ART1: variants seen among roughly 807,000 people sequenced by gnomAD.
ART1 encodes the protein GPI-linked NAD(P)(+)--arginine ADP-ribosyltransferase 1.
In ART1, 29 loss-of-function variants were observed where a neutral mutation model predicts 27.0. The ratio of observed to expected loss-of-function variants is 1.08; its 90% CI spans 0.80 to 1.47. ART1 has a LOEUF of 1.47. Ranked by LOEUF, ART1 falls within the 40% of genes most tolerant of loss-of-function variation. The probability of loss-of-function intolerance (pLI) is 0.00; values close to 1 mark genes in which losing one functional copy is unlikely to be tolerated. For synonymous variants in ART1, 201 were observed against 172.2 expected, an observed-to-expected ratio of 1.17 and a Z score of -1.31; for missense variants, 480 against 423.0, an observed-to-expected ratio of 1.13 and a Z score of -1.18.
At chr11:3,657,911 A>T (rs2077586763) in intron 1 of ART1, among the ~76,000 whole-genome samples, 1 of 152,202 alleles carries the variant, frequency 6.6e-6, no homozygotes, top group Non-Finnish European at 1.5e-5. Context: ...CATGAGATAA[A>T]CCAAGCTGCC....
At chr11:3,653,498 A>G (rs898266596) in intron 1 of ART1, among the ~76,000 whole-genome samples, 1 of 150,438 alleles carries the variant, frequency 6.6e-6, no homozygotes, top group Non-Finnish European at 1.5e-5. Flanking sequence ...TTATCTACCC[A>G]AATCCTATAA....
At chr11:3,650,926 G>A (rs201132942) in intron 1 of ART1, among the ~76,000 whole-genome samples, 69,974 of 136,782 alleles carry the variant, frequency 0.51, 17,824 homozygotes, top group Admixed American at 0.69. Context: ...CTCAATGCCA[G>A]TATCCCATCC....
chr11:3,660,612 G>A (rs577226950), intron 3 of ART1, among the ~76,000 whole-genome samples: 4 of 152,306 alleles, frequency 2.6e-5, no homozygotes, highest in African/African-American at 7.2e-5. Context: ...AGGTTTCCTG[G>A]CCAACGCAGC....
chr11:3,656,386 A>ATTTATTTT (rs1457443890), intron 1 of ART1, among the ~76,000 whole-genome samples: 49 of 141,532 alleles, frequency 3.5e-4, no homozygotes, highest in African/African-American at 1.1e-3. Flanking sequence ...TTATTTATTT[A>ATTTATTTT]TTTTTTAAAT....
chr11:3,646,571 G>A (rs2077471053), intron 1 of ART1, among the ~76,000 whole-genome samples: 2 of 152,178 alleles, frequency 1.3e-5, no homozygotes, highest in African/African-American at 4.8e-5. Flanking sequence ...AGGACCAGAT[G>A]CAAAGAGCCT....
intron 1 of ART1, among the ~76,000 whole-genome samples, chr11:3,657,313 G>A (rs1016638262): frequency 2.6e-5 from 4 of 152,138 alleles, no homozygotes; most frequent in South Asian, 2.1e-4. Context: ...TGTGGCTCAC[G>A]CCTGTAATCC....
At position 3,664,373 on chromosome 11, in the gene ART1, C is replaced by A. The variant is rs942157449; in HGVS notation, c.*184C>A. ...AGACAATCTGGGGACTGAACCTTACCCAGGGCTGTAGGAGTGAGACTCTGA... is the reference window on the plus strand; with the variant it reads ...AGACAATCTGGGGACTGAACCTTACACAGGGCTGTAGGAGTGAGACTCTGA... On this transcript the variant is annotated 3_prime_UTR_variant, in exon 5 of 5. Transcript: ENST00000250693. 28 of 603,352 alleles carry A rather than the reference C, an allele frequency of 4.6e-5. No homozygotes were observed. The highest frequency in any genetic ancestry group is 4.1e-4 in the South Asian group (21 of 51,458). The allele number at this position is 603,352 out of a possible 1,614,324, so 37.4% of individuals were successfully genotyped here. A position where few individuals can be genotyped will look rare whatever the true frequency, so the allele number is the denominator to read the frequency against.
rs575125137 is a variant in ART1 at position 3,649,865 on chromosome 11, G to A, written c.-53+4686G>A. Among the ~76,000 whole-genome samples, 15 of 152,136 alleles carry A rather than the reference G, an allele frequency of 9.9e-5. No homozygotes were observed. The South Asian group carries it at 1.9e-3, about 19-fold the overall frequency. ...ACCCCGCCCAGTTCATGGCTCGTTC[G>A]GCAGCAACCCTGAGACGCTTTACAG... On this transcript the variant is annotated intron_variant, in intron 1 of 4. Transcript: ENST00000250693.
In ART1 at chr11:3,664,202, G is replaced by T; in HGVS notation, c.*13G>T. On this transcript the variant is annotated 3_prime_UTR_variant, in exon 5 of 5. Transcript: ENST00000250693. ...AGGCCTCCTTTGATGCATGAGACAC[G>T]GGACAGCCTCGCCTGCTGCCTCTGC... 6.2e-7 allele frequency: 1 copy of T among 1,612,228 alleles called. No individual in the cohort carries two copies. Among genetic ancestry groups the T allele is most frequent in the Non-Finnish European group, 8.5e-7 (1 of 1,179,056 alleles).
intron 1 of ART1, among the ~76,000 whole-genome samples, chr11:3,657,117 G>T (rs2077581449): frequency 6.6e-6 from 1 of 152,212 alleles, no homozygotes; most frequent in South Asian, 2.1e-4. Context: ...TGATAAAGCA[G>T]CGACGCTTAA....
chr11:3,645,231 G>A (rs577866396), intron 1 of ART1, 52 bp downstream of exon 1: 6 of 152,312 alleles, frequency 3.9e-5, no homozygotes, highest in African/African-American at 1.4e-4. Flanking sequence ...AAGTGGTTTT[G>A]AGGTGAAATT....
intron 1 of ART1, among the ~76,000 whole-genome samples, chr11:3,647,443 T>C (rs1464371164): frequency 6.6e-6 from 1 of 151,872 alleles, no homozygotes; most frequent in Non-Finnish European, 1.5e-5. Flanking sequence ...CCAGAACAGC[T>C]TGGTCAACAT....
chr11:3,653,828 CA>C, intron 1 of ART1, among the ~76,000 whole-genome samples: 1 of 132,174 alleles, frequency 7.6e-6, no homozygotes, highest in East Asian at 2.3e-4. Flanking sequence ...CATCAGACAT[CA>C]AGTCTTGTAA....
intron 1 of ART1, among the ~76,000 whole-genome samples, chr11:3,646,349 A>G (rs1410383486): frequency 6.6e-6 from 1 of 152,062 alleles, no homozygotes; most frequent in Non-Finnish European, 1.5e-5. Flanking sequence ...ATGGACCCCT[A>G]TCTCACCCAG....
In ART1 at chr11:3,660,067, G is replaced by A. The variant is rs1167729463; in HGVS notation, c.548G>A (p.Gly183Asp). 6.2e-7 allele frequency: 1 copy of A among 1,613,570 alleles called. No homozygotes were observed. Among genetic ancestry groups the A allele is most frequent in the South Asian group, 1.1e-5 (1 of 91,060 alleles). Reference sequence around the variant, plus strand: ...CACCAGGTGTTCCGAGGTGTGCACGGCCTGCGCTTCCGGCCAGCAGGGCCC... The same window carrying A: ...CACCAGGTGTTCCGAGGTGTGCACGACCTGCGCTTCCGGCCAGCAGGGCCC... ...RCHQVFRGVH[G>D]LRFRPAGPRA... Residue 183 changes from glycine (G) to aspartate (D), a missense_variant, in exon 3 of 5, where the codon GGC becomes GAC. Gly to Asp is a moderately conservative substitution (Grantham distance 94). Transcript: ENST00000250693.
At position 3,645,615 on chromosome 11, in the gene ART1, G is replaced by A. The variant is rs113430005; in HGVS notation, c.-53+436G>A. On this transcript the variant is annotated intron_variant, in intron 1 of 4. Transcript: ENST00000250693. Reference sequence around the variant, plus strand: ...TGCAGTGGTCTACACTGTTAGCTGCGCTGAGAAAGTTCCTCAGACTCTCAG... The same window carrying A: ...TGCAGTGGTCTACACTGTTAGCTGCACTGAGAAAGTTCCTCAGACTCTCAG... Among the ~76,000 whole-genome samples the A allele has an allele frequency of 5.4e-3, 818 of 152,244 alleles. 8 individuals are homozygous for A. The highest frequency in any genetic ancestry group is 0.019 in the African/African-American group (782 of 41,528).
At chr11:3,653,515 C>A (rs867855658) in intron 1 of ART1, among the ~76,000 whole-genome samples, 13 of 151,724 alleles carry the variant, frequency 8.6e-5, no homozygotes, top group Middle Eastern at 3.2e-3. Flanking sequence ...ATAAAACGGA[C>A]CCACCCTTAT....
chr11:3,663,109 C>CTCA (rs769052862), intron 4 of ART1, among the ~76,000 whole-genome samples: 7 of 133,792 alleles, frequency 5.2e-5, no homozygotes, highest in Non-Finnish European at 8.0e-5. Context: ...CTCATCTCAT[C>CTCA]TCATCTCATC....
At chr11:3,663,175 A>G (rs2077636593) in intron 4 of ART1, among the ~76,000 whole-genome samples, 1 of 150,594 alleles carries the variant, frequency 6.6e-6, no homozygotes, top group Admixed American at 6.7e-5. Context: ...CTGCACAGTA[A>G]TCTATGGGAA....
Sources: allele counts gnomAD v4.1 joint callset (sites outside exome capture counted in the v4.1 genomes callset), GRCh38; gene constraint gnomAD v4.1.1; transcripts MANE v1.5; gene names NCBI Gene and HGNC (gene_info 2026-07-23, HGNC 2026-07-21).